The following EVC variants were observed in gnomAD, a reference collection of about 807,000 sequenced individuals.
EVC encodes the protein evC complex member EVC.
In EVC, 116 loss-of-function variants were observed where a neutral mutation model predicts 118.9. The ratio of observed to expected loss-of-function variants is 0.98; its 90% CI spans 0.84 to 1.14. EVC has a LOEUF of 1.14. Ranked by LOEUF, EVC falls within the 50% of genes most tolerant of loss-of-function variation. The pLI is 0.00. For synonymous variants in EVC, 619 were observed against 534.7 expected, an observed-to-expected ratio of 1.16 and a Z score of -2.18; for missense variants, 1,401 against 1,246.4, an observed-to-expected ratio of 1.12 and a Z score of -1.87.
At position 5,755,147 on chromosome 4, in the gene EVC, CTA is replaced by C. The variant is rs1461873430; in HGVS notation, c.1465-1115_1465-1114del. Among the ~76,000 whole-genome samples, 2 of 152,172 alleles carry C rather than the reference CTA, an allele frequency of 1.3e-5. No homozygotes were observed. The highest frequency in any genetic ancestry group is 2.4e-5 in the African/African-American group (1 of 41,452). On this transcript the variant is annotated intron_variant, in intron 10 of 20. Coordinates refer to ENST00000264956, the MANE Select transcript of EVC (RefSeq NM_153717.3). The surrounding 1 kb of genome is among the most constrained non-coding windows in gnomAD (Gnocchi z 4.1). ...CCACAAAGGGGTAGGGTAGGTTTTT[CTA>C]TCTTTGAGACCCATTTGAAATAAGA... is the stretch of plus-strand genomic sequence containing the variant.
At chr4:5,752,730 G>A (rs1730580569) in intron 8 of EVC, 106 bp from the exon 9 acceptor site, 1 of 1,128,006 alleles carries the variant, frequency 8.9e-7, no homozygotes, top group Admixed American at 1.7e-5. Context: ...CTCCCAGGCA[G>A]TGCCATTAGT....
intron 11 of EVC, among the ~76,000 whole-genome samples, chr4:5,776,006 A>G (rs534794255): frequency 6.6e-6 from 1 of 152,238 alleles, no homozygotes; most frequent in African/African-American, 2.4e-5. Flanking sequence ...ATTAGCTATA[A>G]TATGTAATAT....
intron 11 of EVC, among the ~76,000 whole-genome samples, chr4:5,757,674 G>A (rs1246618815): frequency 4.0e-4 from 61 of 152,284 alleles, no homozygotes; most frequent in Non-Finnish European, 4.4e-5. Context: ...TGAAAGAGAG[G>A]GCTCTGGTCT....
At chr4:5,793,758 C>T (rs777889056) in intron 13 of EVC, 41 bp downstream of exon 13, 40 of 1,444,846 alleles carry the variant, frequency 2.8e-5, no homozygotes, top group Non-Finnish European at 1.9e-6. Flanking sequence ...TTGTGTCCTG[C>T]ATGATGCTCC....
chr4:5,759,925 T>A (rs557476024), intron 11 of EVC, among the ~76,000 whole-genome samples: 2 of 152,156 alleles, frequency 1.3e-5, no homozygotes, highest in African/African-American at 4.8e-5. Context: ...AATCGGTACA[T>A]GTAAGAAGTA....
rs183896626 is a variant in EVC, at chr4:5,758,558, A to G, written c.1563+2196A>G. Among the ~76,000 whole-genome samples the G allele has an allele frequency of 1.4e-3, 219 of 152,236 alleles. 3 individuals carry two copies. Among genetic ancestry groups the G allele is most frequent in the Admixed American group, 6.0e-3 (91 of 15,292 alleles). The stretch of plus-strand genomic sequence containing the variant: ...GGGGCCCACAGACAGGAAAGGAACA[A>G]CTTTGTCCCCAGAGGAGTCAAGACT... On this transcript the variant is annotated intron_variant, in intron 11 of 20. Coordinates refer to ENST00000264956, the MANE Select transcript of EVC (RefSeq NM_153717.3).
chr4:5,771,229 C>G (rs897526044), intron 11 of EVC, among the ~76,000 whole-genome samples: 2 of 152,086 alleles, frequency 1.3e-5, no homozygotes, highest in African/African-American at 4.8e-5. Context: ...CTGACTCCTC[C>G]TGGAGGCTCC....
chr4:5,805,894 T>TTC (rs1715810602), intron 17 of EVC, among the ~76,000 whole-genome samples: 2 of 148,058 alleles, frequency 1.4e-5, no homozygotes, highest in African/African-American at 4.9e-5. Flanking sequence ...TTCTTTTCTT[T>TTC]TTTTTTTTTT....
intron 11 of EVC, among the ~76,000 whole-genome samples, chr4:5,762,410 T>C (rs1479761549): frequency 7.4e-6 from 1 of 134,270 alleles, no homozygotes; most frequent in African/African-American, 2.8e-5. Flanking sequence ...CCTTTGGGTA[T>C]ATACCCAGTA....
rs563504547 is a variant in EVC, at chr4:5,806,364, G to A, written c.2561+1523G>A. ...CTCGGTGCTGGGATTACAGGTGTGA[G>A]CCACTGCGCCCAGCCTGTCATTCTA... On this transcript the variant is annotated intron_variant, in intron 17 of 20. Transcript: ENST00000264956. Among the ~76,000 whole-genome samples the A allele has an allele frequency of 6.6e-5, 10 of 152,194 alleles. No homozygotes were observed. In the East Asian group the frequency reaches 1.9e-3, roughly 29 times the overall value.
intron 3 of EVC, 44 bp downstream of exon 3, chr4:5,729,434 C>A: frequency 6.4e-7 from 1 of 1,559,334 alleles, no homozygotes; most frequent in Non-Finnish European, 8.8e-7. Context: ...TTACTTCCGT[C>A]ATGTGCCAGA....
At chr4:5,760,102 T>A (rs543451507) in intron 11 of EVC, among the ~76,000 whole-genome samples, 1 of 152,252 alleles carries the variant, frequency 6.6e-6, no homozygotes, top group East Asian at 1.9e-4. Context: ...TTTATCTCAA[T>A]GAGCAGAGAG....
At chr4:5,822,980 G>A in the EVC span, among the ~76,000 whole-genome samples, 9 of 152,114 alleles carry the variant, frequency 5.9e-5, no homozygotes, top group Non-Finnish European at 2.9e-5. Context: ...CCTACCCACT[G>A]TACCCTTTCA....
intron 12 of EVC, among the ~76,000 whole-genome samples, chr4:5,785,051 C>T (rs1736212846): frequency 1.3e-5 from 2 of 152,212 alleles, no homozygotes; most frequent in Admixed American, 6.5e-5. Context: ...TCCTCAATAT[C>T]CATATCCCTT....
At chr4:5,766,256 T>C (rs2152153434) in intron 11 of EVC, among the ~76,000 whole-genome samples, 2 of 151,838 alleles carry the variant, frequency 1.3e-5, no homozygotes, top group Non-Finnish European at 2.9e-5. Context: ...GCTTGTAGAG[T>C]TTCTGCCTAG....
intron 15 of EVC, among the ~76,000 whole-genome samples, chr4:5,800,676 T>C (rs11734000): frequency 0.28 from 43,224 of 151,976 alleles, 7,142 homozygotes; most frequent in South Asian, 0.54. Flanking sequence ...ACAGGAAGTG[T>C]AAGGCTGGAG....
chr4:5,757,696 T>C (rs1223412834), intron 11 of EVC, among the ~76,000 whole-genome samples: 1 of 152,174 alleles, frequency 6.6e-6, no homozygotes, highest in East Asian at 1.9e-4. Context: ...TCCCTTTTCT[T>C]ATAAGGACAC....
At chr4:5,739,066 C>T (rs1020738915) in intron 5 of EVC, among the ~76,000 whole-genome samples, 4 of 152,086 alleles carry the variant, frequency 2.6e-5, no homozygotes, top group Non-Finnish European at 5.9e-5. Flanking sequence ...GTGATATTCA[C>T]CTTACTGAGG....
the EVC span, among the ~76,000 whole-genome samples, chr4:5,828,912 G>T: frequency 6.7e-6 from 1 of 149,716 alleles, no homozygotes; most frequent in African/African-American, 2.5e-5. Flanking sequence ...TTGTTCTGGG[G>T]CATCACAAAG....
Sources: allele counts gnomAD v4.1 joint callset (sites outside exome capture counted in the v4.1 genomes callset), GRCh38; gene constraint gnomAD v4.1.1; non-coding constraint Gnocchi (gnomAD v3.1); transcripts MANE v1.5; gene names NCBI Gene and HGNC (gene_info 2026-07-23, HGNC 2026-07-21).